CRYBG1: variants seen among roughly 807,000 people sequenced by gnomAD.
The protein encoded by CRYBG1 is crystallin beta-gamma domain containing 1.
A neutral mutation model predicts 189.2 loss-of-function variants in CRYBG1; 139 were observed. The observed-to-expected ratio is 0.73, with a 90% confidence interval of 0.64 to 0.85. The LOEUF is 0.85. Ranked by LOEUF, CRYBG1 falls within the 40% of genes least tolerant of loss-of-function variation. The pLI, the probability that CRYBG1 is intolerant of heterozygous loss-of-function variation, is 0.00. For missense variants in CRYBG1, 2,611 were observed against 2,675.8 expected (o/e 0.98, Z 0.53); for synonymous variants, 1,023 against 1,017.1 (o/e 1.01, Z -0.11).
intron 2 of CRYBG1, among the ~76,000 whole-genome samples, chr6:106,486,867 T>C (rs1772601411): frequency 6.6e-6 from 1 of 152,186 alleles, no homozygotes; most frequent in Non-Finnish European, 1.5e-5. Flanking sequence ...ATTCAGTCAC[T>C]CTATATCTTT....
At chr6:106,418,515 T>C (rs1771066439) in intron 1 of CRYBG1, among the ~76,000 whole-genome samples, 1 of 152,248 alleles carries the variant, frequency 6.6e-6, no homozygotes. Context: ...CTCTAAAATT[T>C]AATTCTAAAT....
chr6:106,395,905 CAA>C (rs1770597232), intron 1 of CRYBG1, among the ~76,000 whole-genome samples: 1 of 152,140 alleles, frequency 6.6e-6, no homozygotes. Flanking sequence ...AAGCCCTAGG[CAA>C]ATGATAACAC....
rs191051610 is a variant in CRYBG1 at position 106,498,395 on chromosome 6, C to A, written c.313-13035C>A. Among the ~76,000 whole-genome samples the A allele has an allele frequency of 6.6e-5, 10 of 152,254 alleles. No individual in the cohort carries two copies. In the East Asian group the frequency reaches 1.9e-3, roughly 29 times the overall value. On this transcript the variant is annotated intron_variant, in intron 2 of 21. Transcript: ENST00000633556. ...GTTTTGATCACAGTCCCTAAAGACACAATCCGGAACGCCATAATCCCGAAT... is the reference window on the plus strand; with the variant it reads ...GTTTTGATCACAGTCCCTAAAGACAAAATCCGGAACGCCATAATCCCGAAT...
intron 2 of CRYBG1, among the ~76,000 whole-genome samples, chr6:106,468,648 C>T (rs1266578176): frequency 6.6e-6 from 1 of 152,120 alleles, no homozygotes; most frequent in Admixed American, 6.5e-5. Flanking sequence ...CATGATAGTG[C>T]CATTGCACTC....
intron 1 of CRYBG1, among the ~76,000 whole-genome samples, chr6:106,405,690 C>A (rs570710167): frequency 3.9e-4 from 59 of 152,314 alleles, no homozygotes; most frequent in African/African-American, 1.3e-3. Context: ...GAAGAAGGAA[C>A]AGGCAGCAAT....
At chr6:106,503,602 C>T (rs932012481) in intron 2 of CRYBG1, among the ~76,000 whole-genome samples, 1 of 152,086 alleles carries the variant, frequency 6.6e-6, no homozygotes, top group Non-Finnish European at 1.5e-5. Flanking sequence ...CTTTAAGGTG[C>T]GGAGAAAATT....
chr6:106,517,154 A>G (rs535804403), intron 3 of CRYBG1, among the ~76,000 whole-genome samples: 2 of 151,066 alleles, frequency 1.3e-5, no homozygotes, highest in East Asian at 3.9e-4. Context: ...GACTACAGGC[A>G]CGCACCACTT....
intron 2 of CRYBG1, among the ~76,000 whole-genome samples, chr6:106,490,964 A>C (rs1452424809): frequency 6.6e-6 from 1 of 152,242 alleles, no homozygotes; most frequent in Non-Finnish European, 1.5e-5. Context: ...TAAAACTGGC[A>C]GGTCTTCCTC....
At chr6:106,411,439 GT>G (rs1288925642) in intron 1 of CRYBG1, among the ~76,000 whole-genome samples, 1 of 152,126 alleles carries the variant, frequency 6.6e-6, no homozygotes, top group Non-Finnish European at 1.5e-5. Flanking sequence ...GATTAGTTTA[GT>G]TTCTTAGCTC....
At chr6:106,519,000 C>CAT in intron 3 of CRYBG1, 131 bp from the exon 4 acceptor site, 1 of 937,570 alleles carries the variant, frequency 1.1e-6, no homozygotes, top group Non-Finnish European at 1.6e-6. Context: ...CATACACACA[C>CAT]ACACACACCA....
chr6:106,540,412 T>G (rs1226745129), intron 9 of CRYBG1, among the ~76,000 whole-genome samples: 1 of 152,214 alleles, frequency 6.6e-6, no homozygotes, highest in Non-Finnish European at 1.5e-5. Flanking sequence ...ATTTTACCCA[T>G]CCTTCCAAAG....
chr6:106,493,845 G>A (rs558345689), intron 2 of CRYBG1, among the ~76,000 whole-genome samples: 1 of 152,304 alleles, frequency 6.6e-6, no homozygotes, highest in East Asian at 1.9e-4. Context: ...ATAGCTAATG[G>A]ATGCTGGGCT....
chr6:106,425,493 C>T (rs1286871835), intron 1 of CRYBG1, among the ~76,000 whole-genome samples: 1 of 152,168 alleles, frequency 6.6e-6, no homozygotes, highest in Non-Finnish European at 1.5e-5. Context: ...CATACAGCCT[C>T]AGCTCCCTCA....
At chr6:106,400,650 A>G (rs1770704790) in intron 1 of CRYBG1, among the ~76,000 whole-genome samples, 1 of 152,232 alleles carries the variant, frequency 6.6e-6, no homozygotes, top group South Asian at 2.1e-4. Flanking sequence ...AAACCCTAGT[A>G]AGTATCAGGC....
In CRYBG1 at chr6:106,519,560, T is replaced by C. The variant is rs768093822; in HGVS notation, c.2352T>C (p.Asp784=). The change falls in exon 4 of 22, where the codon GAT becomes GAC. Residue 784 remains aspartate, a synonymous_variant. Coordinates refer to ENST00000633556, the MANE Select transcript of CRYBG1 (RefSeq NM_001371242.2). ...NQALGPQPNQ[D]DKADVQTDAG... ...CTCTTGGTCCTCAGCCTAACCAAGA[T>C]GATAAAGCAGATGTACAAACAGATG... 6.8e-6 allele frequency: 11 copies of C among 1,614,152 alleles called. No individual in the cohort carries two copies. The highest frequency in any genetic ancestry group is 7.6e-6 in the Non-Finnish European group (9 of 1,180,010).
chr6:106,465,148 A>C (rs1203932930), intron 2 of CRYBG1, among the ~76,000 whole-genome samples: 1 of 152,200 alleles, frequency 6.6e-6, no homozygotes, highest in African/African-American at 2.4e-5. Flanking sequence ...CAAATAATTT[A>C]TCCATATTAT....
rs74498088 is a variant in CRYBG1, at chr6:106,398,030, A to T, written c.173+36949A>T. Among the ~76,000 whole-genome samples, 40 of 152,274 alleles carry T rather than the reference A, an allele frequency of 2.6e-4. No individual in the cohort carries two copies. In the East Asian group the frequency reaches 5.2e-3, roughly 20 times the overall value. On this transcript the variant is annotated intron_variant, in intron 1 of 21. Transcript: ENST00000633556. The stretch of plus-strand genomic sequence containing the variant: ...AGTACCAAAATACATTAAGTACCAA[A>T]ATATGACACAATAAGTACCTAAATC...
chr6:106,473,749 T>A (rs1354022166), intron 2 of CRYBG1, among the ~76,000 whole-genome samples: 1 of 152,236 alleles, frequency 6.6e-6, no homozygotes, highest in East Asian at 1.9e-4. Context: ...AACTCTAAAC[T>A]ATGAGGATAA....
At chr6:106,551,075 G>A (rs769467255) in intron 13 of CRYBG1, among the ~76,000 whole-genome samples, 12 of 151,958 alleles carry the variant, frequency 7.9e-5, no homozygotes, top group African/African-American at 1.5e-4. Flanking sequence ...TTTGGGGTAC[G>A]GTTGAACCCG....
Sources: gnomAD v4.1 joint callset for allele counts (sites outside exome capture counted in the v4.1 genomes callset) on GRCh38, gnomAD v4.1.1 for gene constraint, MANE v1.5 for transcripts, NCBI Gene and HGNC (gene_info 2026-07-23, HGNC 2026-07-21) for gene names.